The following SOX5 variants were observed in gnomAD, a reference collection of about 807,000 sequenced individuals.
The protein encoded by SOX5 is transcription factor SOX-5.
A neutral mutation model predicts 92.0 loss-of-function variants in SOX5; 9 were observed. The ratio of observed to expected loss-of-function variants is 0.10; its 90% CI spans 0.06 to 0.17. The LOEUF (loss-of-function observed/expected upper bound fraction) is 0.17, where lower values mean the gene tolerates loss of function less well. Ranked by LOEUF, SOX5 falls within the 10% of genes least tolerant of loss-of-function variation. SOX5 has a pLI of 1.00. For missense variants in SOX5, 642 were observed against 944.5 expected (o/e 0.68, Z 4.20); for synonymous variants, 344 against 336.3 (o/e 1.02, Z -0.25).
intron 1 of SOX5, among the ~76,000 whole-genome samples, chr12:24,538,877 G>A (rs1003681443): frequency 4.6e-5 from 7 of 151,974 alleles, no homozygotes; most frequent in African/African-American, 1.7e-4. Context: ...AACACGCTGG[G>A]ATTTTGTTTT....
At chr12:24,218,127 T>G (rs1358017453) in intron 3 of SOX5, among the ~76,000 whole-genome samples, 1 of 152,176 alleles carries the variant, frequency 6.6e-6, no homozygotes, top group Non-Finnish European at 1.5e-5. Flanking sequence ...CTCCTAAGTG[T>G]ATACCCAAGA....
intron 3 of SOX5, among the ~76,000 whole-genome samples, chr12:23,769,160 C>G (rs1182640944): frequency 2.6e-5 from 4 of 152,198 alleles, no homozygotes; most frequent in Admixed American, 2.0e-4. Flanking sequence ...AATTATGAAG[C>G]AGCAAAGCCA....
chr12:24,398,224 C>A (rs1295757670), intron 1 of SOX5, among the ~76,000 whole-genome samples: 1 of 152,144 alleles, frequency 6.6e-6, no homozygotes, highest in Non-Finnish European at 1.5e-5. Context: ...TGTTTTTAGG[C>A]CAGATGCAGT....
chr12:24,548,067 A>G (rs887072684), intron 1 of SOX5, among the ~76,000 whole-genome samples: 3 of 152,196 alleles, frequency 2.0e-5, no homozygotes, highest in Admixed American at 1.3e-4. Flanking sequence ...TCATTCTATC[A>G]TTAATTCCTC....
chr12:23,614,145 C>T (rs916587824), intron 8 of SOX5, among the ~76,000 whole-genome samples: 2 of 152,162 alleles, frequency 1.3e-5, no homozygotes, highest in African/African-American at 4.8e-5. Context: ...TCTGACATGG[C>T]TGCAGTCCTG....
At chr12:23,778,538 A>T (rs11047094) in intron 3 of SOX5, among the ~76,000 whole-genome samples, 16,485 of 152,224 alleles carry the variant, frequency 0.11, 1,019 homozygotes, top group East Asian at 0.2. Context: ...GAGAGAGCTA[A>T]AGCTATAAAG....
intron 1 of SOX5, among the ~76,000 whole-genome samples, chr12:24,375,633 G>C (rs1398608696): frequency 6.6e-6 from 1 of 151,754 alleles, no homozygotes; most frequent in African/African-American, 2.4e-5. Context: ...CTACTTGGCA[G>C]GCTGGGGCAG....
chr12:23,949,425 G>A, intron 1 of SOX5, 139 bp downstream of exon 1: 2 of 1,016,076 alleles, frequency 2.0e-6, no homozygotes, highest in South Asian at 1.4e-5. Flanking sequence ...CAAAAAATCA[G>A]CTAACAAGAT....
At chr12:24,189,719 A>G (rs1956343098) in intron 4 of SOX5, among the ~76,000 whole-genome samples, 1 of 152,194 alleles carries the variant, frequency 6.6e-6, no homozygotes, top group Admixed American at 6.6e-5. Context: ...TTTTCTCAGT[A>G]AAGTCATATT....
At chr12:23,892,175 A>G (rs1310480014) in intron 2 of SOX5, among the ~76,000 whole-genome samples, 1 of 152,228 alleles carries the variant, frequency 6.6e-6, no homozygotes, top group East Asian at 1.9e-4. Context: ...GGATGAAATA[A>G]TAATGCAGTA....
chr12:23,953,947 G>A (rs1945973139), upstream of SOX5, among the ~76,000 whole-genome samples: 7 of 152,092 alleles, frequency 4.6e-5, no homozygotes, highest in South Asian at 1.4e-3. Context: ...GATTGACACA[G>A]GCTAAGGAAT....
At chr12:24,484,397 T>TAGG (rs1271759835) in intron 1 of SOX5, among the ~76,000 whole-genome samples, 1 of 152,234 alleles carries the variant, frequency 6.6e-6, no homozygotes, top group African/African-American at 2.4e-5. Context: ...GGAGATAATC[T>TAGG]TGAATCACCT....
At chr12:23,586,743 T>C (rs1950805526) in intron 9 of SOX5, among the ~76,000 whole-genome samples, 1 of 151,786 alleles carries the variant, frequency 6.6e-6, no homozygotes, top group Non-Finnish European at 1.5e-5. Flanking sequence ...TTTGATTAGA[T>C]GAATTTTTAC....
At chr12:24,144,469 C>T (rs1482201328) in intron 4 of SOX5, among the ~76,000 whole-genome samples, 1 of 152,082 alleles carries the variant, frequency 6.6e-6, no homozygotes, top group African/African-American at 2.4e-5. Context: ...AATTATGTAG[C>T]GCTGCATTTA....
intron 3 of SOX5, among the ~76,000 whole-genome samples, chr12:23,759,003 A>G (rs2094487408): frequency 7.7e-6 from 1 of 130,046 alleles, no homozygotes; most frequent in Admixed American, 8.9e-5. Context: ...CTGTTATGGC[A>G]ACACAAAACA....
intron 4 of SOX5, among the ~76,000 whole-genome samples, chr12:24,090,581 G>C (rs1369404017): frequency 1.3e-5 from 2 of 151,956 alleles, no homozygotes; most frequent in Non-Finnish European, 2.9e-5. Context: ...TCCAAATACT[G>C]GATATTCCAA....
At chr12:24,043,287 C>T (rs752700833) in intron 4 of SOX5, among the ~76,000 whole-genome samples, 7 of 152,146 alleles carry the variant, frequency 4.6e-5, no homozygotes, top group Non-Finnish European at 7.4e-5. Context: ...AAGCAAGAGA[C>T]TAACTGGTAT....
At chr12:23,989,863 T>C (rs1950398796) in intron 4 of SOX5, among the ~76,000 whole-genome samples, 2 of 152,092 alleles carry the variant, frequency 1.3e-5, no homozygotes, top group South Asian at 4.1e-4. Flanking sequence ...TTCTGGGAGT[T>C]TGTTATAGTA....
At position 24,401,708 on chromosome 12, in the gene SOX5, T is replaced by TAAAA. The variant is rs71063321; in HGVS notation, c.-250-33073_-250-33070dup. Among the ~76,000 whole-genome samples, 223 of 99,418 alleles carry TAAAA rather than the reference T, an allele frequency of 2.2e-3. 1 individual carries two copies. The highest frequency in any genetic ancestry group is 8.4e-3 in the African/African-American group (213 of 25,440). The allele number at this position is 99,418 out of a possible 152,430, so 65.2% of individuals were successfully genotyped here. A position where few individuals can be genotyped will look rare whatever the true frequency, so the allele number is the denominator to read the frequency against. ...GGATGACAGAGCCAGACCCTATCTT[T>TAAAA]AAAAAAAAAAAAAAAAAAAAAAAAA... On this transcript the variant is annotated intron_variant, in intron 1 of 4. Coordinates refer to the SOX5 transcript ENST00000446891.
Sources: allele counts gnomAD v4.1 joint callset (sites outside exome capture counted in the v4.1 genomes callset), GRCh38; gene constraint gnomAD v4.1.1; transcripts MANE v1.5; gene names NCBI Gene and HGNC (gene_info 2026-07-23, HGNC 2026-07-21).